The following CLPS variants were observed in gnomAD, a reference collection of about 807,000 sequenced individuals.
CLPS encodes colipase, also known as colipase, pancreatic.
CLPS carries 8 observed loss-of-function variants against 9.3 expected under a neutral mutation model. The ratio of observed to expected loss-of-function variants is 0.86; its 90% confidence interval spans 0.51 to 1.56. CLPS has a LOEUF of 1.56. Ranked by LOEUF, CLPS falls within the 40% of genes most tolerant of loss-of-function variation. CLPS has a pLI of 0.00. For synonymous variants in CLPS, 61 were observed against 56.2 expected (o/e 1.09, Z -0.39); for missense variants, 144 against 145.7 (o/e 0.99, Z 0.06).
At chr6:35,795,369 C>T in intron 2 of CLPS, 92 bp from the exon 3 acceptor site, 1 of 1,532,772 alleles carries the variant, frequency 6.5e-7, no homozygotes. Flanking sequence ...AGTAGGCCAG[C>T]CTGTGTTTTC....
In CLPS at chr6:35,795,334, T is replaced by C. The variant is rs979509543; in HGVS notation, c.208-57A>G. 187 of 1,587,620 alleles carry C rather than the reference T, an allele frequency of 1.2e-4. 2 individuals are homozygous for C. The East Asian group carries it at 4.2e-3, about 35-fold the overall frequency. ...ATGGGGAGATACTTTGGACATCACT[T>C]GTCCCCTGCCTGACCTAGAGAACCA... is the stretch of plus-strand genomic sequence containing the variant. On this transcript the variant is annotated intron_variant, in intron 2 of 2. Transcript: ENST00000259938.
In CLPS at chr6:35,797,274, C is replaced by G. The variant is rs773306828; in HGVS notation, c.15G>C (p.Leu5=). The change falls in exon 1 of 3, where the codon CTG becomes CTC. Residue 5 remains leucine (L), a synonymous_variant. Transcript: ENST00000259938. MEKI[L]ILLLVALSVA... ...CAGAGAGGGCGACAAGCAGGAGGAT[C>G]AGGATCTTCTCCATGGTGAGTGGGA... 5.0e-6 allele frequency: 8 copies of G among 1,613,974 alleles called. No individual in the cohort carries two copies. The South Asian group carries it at 7.7e-5, about 16-fold the overall frequency.
intron 1 of CLPS, 97 bp downstream of exon 1, chr6:35,797,108 C>T: frequency 1.7e-6 from 2 of 1,154,402 alleles, no homozygotes. Context: ...CCTCCCAGCC[C>T]CTGCCAGTCC....
Position 35,795,255 on chromosome 6 carries a change from T to C in CLPS, c.230A>G (p.Lys77Arg). 1 of 1,614,178 alleles carries C rather than the reference T, an allele frequency of 6.2e-7. No homozygotes were observed. The highest frequency in any genetic ancestry group is 1.1e-5 in the South Asian group (1 of 91,086). ...GGTCAGGCCACGCTCACAGGGACACTTGTAGTAAATCCCATAGAGCGTCTG... is the reference window on the plus strand; with the variant it reads ...GGTCAGGCCACGCTCACAGGGACACCTGTAGTAAATCCCATAGAGCGTCTG... ...SVKTLYGIYYKCPCERGLTCE... is the reference protein window; with the variant it reads ...SVKTLYGIYYRCPCERGLTCE... Residue 77 changes from lysine to arginine, a missense_variant, in exon 3 of 3, where the codon AAG becomes AGG. Lys to Arg is a conservative substitution (Grantham distance 26). Transcript: ENST00000259938.
chr6:35,795,979 T>A (rs1768358109), intron 1 of CLPS, 126 bp from the exon 2 acceptor site: 1 of 1,456,048 alleles, frequency 6.9e-7, no homozygotes, highest in East Asian at 2.4e-5. Flanking sequence ...AAGGAGTCCA[T>A]CCCCTGGGTC....
At chr6:35,795,933 C>T in intron 1 of CLPS, 80 bp from the exon 2 acceptor site, 1 of 1,576,376 alleles carries the variant, frequency 6.3e-7, no homozygotes, top group Non-Finnish European at 8.6e-7. Flanking sequence ...CCACACACTA[C>T]CACTAACAGT....
intron 1 of CLPS, among the ~76,000 whole-genome samples, chr6:35,796,314 C>A (rs1267354715): frequency 6.6e-6 from 1 of 152,272 alleles, no homozygotes; most frequent in Non-Finnish European, 1.5e-5. Flanking sequence ...CCAAGTCCAG[C>A]CATGGCCCCA....
At chr6:35,796,791 G>T (rs1768378917) in intron 1 of CLPS, 6 of 454,468 alleles carry the variant, frequency 1.3e-5, no homozygotes, top group Non-Finnish European at 2.6e-5. Flanking sequence ...AAAAATAGCT[G>T]AGCGTTATGG....
intron 1 of CLPS, 93 bp from the exon 2 acceptor site, chr6:35,795,946 C>G (rs1297366462): frequency 6.4e-7 from 1 of 1,559,998 alleles, no homozygotes; most frequent in Admixed American, 1.7e-5. Flanking sequence ...CTAACAGTGT[C>G]TCCCCTGGTA....
At chr6:35,795,316 G>A in intron 2 of CLPS, 39 bp from the exon 3 acceptor site, 1 of 1,602,298 alleles carries the variant, frequency 6.2e-7, no homozygotes, top group Admixed American at 1.7e-5. Flanking sequence ...GCTATGGGGA[G>A]ATACTTTGGA....
intron 2 of CLPS, 48 bp from the exon 3 acceptor site, chr6:35,795,325 G>A (rs763968976): frequency 6.3e-7 from 1 of 1,596,278 alleles, no homozygotes; most frequent in East Asian, 2.2e-5. Context: ...AGATACTTTG[G>A]ACATCACTTG....
intron 2 of CLPS, 88 bp downstream of exon 2, chr6:35,795,643 G>T (rs1768339356): frequency 6.4e-7 from 1 of 1,568,276 alleles, no homozygotes; most frequent in Non-Finnish European, 8.6e-7. Context: ...CAGTGTCCAG[G>T]CTGACCCCCC....
In CLPS at chr6:35,795,770, G is replaced by A; in HGVS notation, c.168C>T (p.Cys56=). 1 of 1,613,130 alleles carries A rather than the reference G, an allele frequency of 6.2e-7. No homozygotes were observed. The highest frequency in any genetic ancestry group is 8.5e-7 in the Non-Finnish European group (1 of 1,180,026). ...CGCTGTTCTCGCTGGCCATGGATGT[G>A]CAGCGGGCCAGGCCCAGCGCACTTG... ...QHSSALGLAR[C]TSMASENSEC... The change falls in exon 2 of 3, where the codon TGC becomes TGT. Residue 56 remains cysteine (C), a synonymous_variant. Coordinates refer to ENST00000259938, the MANE Select transcript of CLPS (RefSeq NM_001832.4).
At chr6:35,796,158 A>C (rs1304751165) in intron 1 of CLPS, among the ~76,000 whole-genome samples, 1 of 152,260 alleles carries the variant, frequency 6.6e-6, no homozygotes, top group Non-Finnish European at 1.5e-5. Flanking sequence ...TCCCATTTGG[A>C]ATGTGCACAC....
In CLPS at chr6:35,795,537, C is replaced by T. The variant is rs370475014; in HGVS notation, c.207+194G>A. Among the ~76,000 whole-genome samples, 9 of 152,322 alleles carry T rather than the reference C, an allele frequency of 5.9e-5. No individual in the cohort carries two copies. The East Asian group carries it at 9.7e-4, about 16-fold the overall frequency. On this transcript the variant is annotated intron_variant, in intron 2 of 2. Transcript: ENST00000259938. ...AATGGGGATAACAAATCCCCACCCC[C>T]ACCCATCTCACTGGTCACTCGGGAG...
At position 35,795,226 on chromosome 6, in the gene CLPS, C is replaced by T; in HGVS notation, c.259G>A (p.Glu87Lys). ...KCPCERGLTC[E>K]GDKTIVGSIT... ...GAGCCCACGATGGTCTTGTCTCCCT[C>T]ACAGGTCAGGCCACGCTCACAGGGA... The change falls in exon 3 of 3, where the codon GAG (glutamate) becomes AAG (lysine). Residue 87 changes from glutamate to lysine, a missense_variant. Glu to Lys is a moderately conservative substitution (Grantham distance 56). Transcript: ENST00000259938. 3 of 1,614,266 alleles carry T rather than the reference C, an allele frequency of 1.9e-6. No homozygotes were observed. The highest frequency in any genetic ancestry group is 2.5e-6 in the Non-Finnish European group (3 of 1,180,044).
intron 2 of CLPS, 69 bp downstream of exon 2, chr6:35,795,662 C>T: frequency 6.3e-7 from 1 of 1,586,436 alleles, no homozygotes; most frequent in Non-Finnish European, 8.6e-7. Flanking sequence ...CCTCCCTGAT[C>T]CCACTCACAA....
chr6:35,796,498 G>A (rs1281708200), intron 1 of CLPS, among the ~76,000 whole-genome samples: 23 of 152,274 alleles, frequency 1.5e-4, no homozygotes, highest in Admixed American at 1.5e-3. Flanking sequence ...AGACAGGGCT[G>A]ACTCTGAAAA....
chr6:35,795,432 C>A (rs1237826360), intron 2 of CLPS, among the ~76,000 whole-genome samples, 155 bp from the exon 3 acceptor site: 1 of 152,190 alleles, frequency 6.6e-6, no homozygotes, highest in Non-Finnish European at 1.5e-5. Flanking sequence ...CCCTGGAGAC[C>A]CCAGCTCTGA....
Sources: gnomAD v4.1 joint callset for allele counts (sites outside exome capture counted in the v4.1 genomes callset) on GRCh38, gnomAD v4.1.1 for gene constraint, MANE v1.5 for transcripts, NCBI Gene and HGNC (gene_info 2026-07-23, HGNC 2026-07-21) for gene names.